DIPK1C: variants seen among roughly 807,000 people sequenced by gnomAD.
The protein encoded by DIPK1C is divergent protein kinase domain 1C.
DIPK1C carries 33 observed loss-of-function variants against 28.0 expected under a neutral mutation model. The observed-to-expected ratio is 1.18, with a 90% confidence interval of 0.89 to 1.58. The LOEUF is 1.58. Ranked by LOEUF, DIPK1C falls within the 40% of genes most tolerant of loss-of-function variation. The pLI is 0.00. For synonymous variants in DIPK1C, 255 were observed against 248.8 expected (o/e 1.02, Z -0.23); for missense variants, 569 against 568.5 (o/e 1.00, Z -0.01).
intron 3 of DIPK1C, among the ~76,000 whole-genome samples, chr18:74,437,368 ACT>A (rs1441383997): frequency 5.9e-5 from 9 of 151,842 alleles, no homozygotes; most frequent in Non-Finnish European, 8.8e-5. Context: ...AAAATTAGAC[ACT>A]CTCTTTAATT....
chr18:74,445,699 C>T (rs760594146), intron 2 of DIPK1C, among the ~76,000 whole-genome samples: 1 of 152,198 alleles, frequency 6.6e-6, no homozygotes, highest in Non-Finnish European at 1.5e-5. Context: ...CTGGTCTGGC[C>T]GTTCAGCTGC....
chr18:74,436,473 T>C lies in DIPK1C; in HGVS notation c.*28A>G, dbSNP rs1325321196. Reference sequence around the variant, plus strand: ...AATCCAGCCAAGGTCACTTTTCCTGTGTGAGCATGTTTAAGGCCAGAGAGT... The same window carrying C: ...AATCCAGCCAAGGTCACTTTTCCTGCGTGAGCATGTTTAAGGCCAGAGAGT... On this transcript the variant is annotated 3_prime_UTR_variant, in exon 4 of 4. Coordinates refer to ENST00000343998, the MANE Select transcript of DIPK1C (RefSeq NM_001044369.3). 1 of 1,552,710 alleles carries C rather than the reference T, an allele frequency of 6.4e-7. No homozygotes were observed. Among genetic ancestry groups the C allele is most frequent in the East Asian group, 2.3e-5 (1 of 43,402 alleles).
chr18:74,459,059 C>T (rs1181546546), upstream of DIPK1C, among the ~76,000 whole-genome samples: 1 of 152,214 alleles, frequency 6.6e-6, no homozygotes. Context: ...ACTGTTATCA[C>T]ACCACTGCAC....
rs1039747844 is a variant in DIPK1C at position 74,447,563 on chromosome 18, C to T, written c.199-280G>A. On this transcript the variant is annotated intron_variant, in intron 1 of 3. Coordinates refer to ENST00000343998, the MANE Select transcript of DIPK1C (RefSeq NM_001044369.3). This position sits in a 1 kb window ranked among gnomAD's most constrained non-coding sequence, Gnocchi z 4.1. ...GCGGCCGGGAAGCACGACTTCCCAT[C>T]GTTCAGCTGGGTGACTCCGGGAAAG... 2.6e-5 allele frequency among the ~76,000 whole-genome samples: 4 copies of T among 152,212 alleles called. No individual in the cohort carries two copies. Among genetic ancestry groups the T allele is most frequent in the Non-Finnish European group, 5.9e-5 (4 of 68,036 alleles).
At chr18:74,440,105 C>A (rs533436691) in intron 3 of DIPK1C, among the ~76,000 whole-genome samples, 1 of 152,092 alleles carries the variant, frequency 6.6e-6, no homozygotes, top group Non-Finnish European at 1.5e-5. Context: ...CCACCTCGCC[C>A]GGCTAATTTT....
In DIPK1C at chr18:74,442,088, A is replaced by G. The variant is rs1236935055; in HGVS notation, c.905T>C (p.Phe302Ser). The change falls in exon 3 of 4, where the codon TTT becomes TCT. Residue 302 changes from phenylalanine (F) to serine (S), a missense_variant. Phe to Ser is a radical substitution (Grantham distance 155). Transcript: ENST00000343998. ...GATTTCCCTCATTTTAGGTTCAAAAAAGGCCATGTCCACATCAATAGCCAC... is the reference window on the plus strand; with the variant it reads ...GATTTCCCTCATTTTAGGTTCAAAAGAGGCCATGTCCACATCAATAGCCAC... Reference protein sequence around the residue: ...TVVAIDVDMAFFEPKMREILE... With the variant: ...TVVAIDVDMASFEPKMREILE... 19 of 1,614,038 alleles carry G rather than the reference A, an allele frequency of 1.2e-5. No homozygotes were observed. Among genetic ancestry groups the G allele is most frequent in the Non-Finnish European group, 1.4e-5 (17 of 1,180,032 alleles).
intron 2 of DIPK1C, among the ~76,000 whole-genome samples, chr18:74,442,360 A>G (rs544511683): frequency 5.2e-4 from 78 of 151,364 alleles, no homozygotes; most frequent in Non-Finnish European, 5.9e-4. Flanking sequence ...ACGGAGTCTC[A>G]CTCTGTCACC....
upstream of DIPK1C, among the ~76,000 whole-genome samples, chr18:74,461,790 T>C (rs184491087): frequency 2.1e-3 from 323 of 152,266 alleles, no homozygotes; most frequent in Non-Finnish European, 3.9e-3. Flanking sequence ...AGAGTTACAC[T>C]CTGCTGCCCA....
chr18:74,463,043 C>G, the DIPK1C span, among the ~76,000 whole-genome samples: 1 of 152,196 alleles, frequency 6.6e-6, no homozygotes, highest in Non-Finnish European at 1.5e-5. Context: ...GAGGAAAATA[C>G]TGTTTGTCAT....
At chr18:74,462,678 A>C (rs1030295560), upstream of DIPK1C, among the ~76,000 whole-genome samples, 16 of 151,420 alleles carry the variant, frequency 1.1e-4, no homozygotes, top group Admixed American at 3.9e-4. Flanking sequence ...AAAAAAAAAA[A>C]AAAACTGCCA....
chr18:74,452,024 C>T (rs557952428), intron 1 of DIPK1C, among the ~76,000 whole-genome samples: 1 of 152,312 alleles, frequency 6.6e-6, no homozygotes, highest in South Asian at 2.1e-4. Context: ...TCATCTCATA[C>T]AAAGCCTATG....
intron 2 of DIPK1C, 27 bp from the exon 3 acceptor site, chr18:74,442,143 C>G: frequency 6.2e-7 from 1 of 1,612,354 alleles, no homozygotes; most frequent in Non-Finnish European, 8.5e-7. Flanking sequence ...ACGGGGCTAT[C>G]AAAGGGCTAC....
At position 74,446,690 on chromosome 18, in the gene DIPK1C, C is replaced by T. The variant is rs375429028; in HGVS notation, c.792G>A (p.Val264=). The change falls in exon 2 of 4, where the codon GTG becomes GTA. Residue 264 remains valine (V), a synonymous_variant. Coordinates refer to ENST00000343998, the MANE Select transcript of DIPK1C (RefSeq NM_001044369.3). ...SDIALSFLDM[V]NHFDSDFSHR... ...GGGAAAAGTCACTGTCAAAATGGTT[C>T]ACCATGTCCAAGAAGCTGAGTGCGA... 6 of 1,534,824 alleles carry T rather than the reference C, an allele frequency of 3.9e-6. No homozygotes were observed. Among genetic ancestry groups the T allele is most frequent in the Non-Finnish European group, 5.3e-6 (6 of 1,139,366 alleles).
intron 1 of DIPK1C, among the ~76,000 whole-genome samples, chr18:74,454,213 G>A (rs1031347491): frequency 2.6e-5 from 4 of 152,138 alleles, no homozygotes; most frequent in Non-Finnish European, 4.4e-5. Context: ...TGGAAGACCA[G>A]GGACTCAATT....
At chr18:74,441,296 C>G (rs189068115) in intron 3 of DIPK1C, among the ~76,000 whole-genome samples, 11 of 152,172 alleles carry the variant, frequency 7.2e-5, no homozygotes, top group African/African-American at 2.7e-4. Context: ...GGGCCTCCTC[C>G]GGGTATGATC....
At chr18:74,451,920 C>T (rs1257063080) in intron 1 of DIPK1C, among the ~76,000 whole-genome samples, 11 of 152,192 alleles carry the variant, frequency 7.2e-5, no homozygotes, top group Admixed American at 4.6e-4. Context: ...GTTGAAAATG[C>T]GTTTCATACA....
intron 3 of DIPK1C, among the ~76,000 whole-genome samples, chr18:74,438,152 A>C (rs1986039881): frequency 6.6e-6 from 1 of 152,208 alleles, no homozygotes; most frequent in Non-Finnish European, 1.5e-5. Context: ...TTGGCCTCCC[A>C]AAGTGCTGGG....
chr18:74,441,563 A>G (rs1024416945), intron 3 of DIPK1C, among the ~76,000 whole-genome samples: 2 of 152,076 alleles, frequency 1.3e-5, no homozygotes, highest in Non-Finnish European at 2.9e-5. Flanking sequence ...TCTAACCTCT[A>G]GTTAGGCCAG....
rs142248632 is a variant in DIPK1C at position 74,453,395 on chromosome 18, C to T, written c.198+3667G>A. On this transcript the variant is annotated intron_variant, in intron 1 of 3. Coordinates refer to ENST00000343998, the MANE Select transcript of DIPK1C (RefSeq NM_001044369.3). ...TCAGTTAGCTCGTCCACTGTGTAACCGCTCCCTACTTTAGGAATGTGGCCG... is the reference window on the plus strand; with the variant it reads ...TCAGTTAGCTCGTCCACTGTGTAACTGCTCCCTACTTTAGGAATGTGGCCG... 1.8e-3 allele frequency among the ~76,000 whole-genome samples: 277 copies of T among 152,330 alleles called. 1 individual carries two copies. The highest frequency in any genetic ancestry group is 5.5e-3 in the African/African-American group (229 of 41,584).
Sources: allele counts gnomAD v4.1 joint callset (sites outside exome capture counted in the v4.1 genomes callset), GRCh38; gene constraint gnomAD v4.1.1; non-coding constraint Gnocchi (gnomAD v3.1); transcripts MANE v1.5; gene names NCBI Gene and HGNC (gene_info 2026-07-23, HGNC 2026-07-21).